ZNF182: variants seen among roughly 807,000 people sequenced by gnomAD.
ZNF182 encodes zinc finger protein 21 (KOX 14).
A neutral mutation model predicts 28.1 loss-of-function variants in ZNF182; 10 were observed. That is an observed-to-expected ratio of 0.36 (90% CI 0.22 to 0.60). The LOEUF (loss-of-function observed/expected upper bound fraction) is 0.60. Ranked by LOEUF, ZNF182 falls within the 20% of genes least tolerant of loss-of-function variation. The probability of loss-of-function intolerance (pLI) is 0.75; values close to 1 mark genes in which losing one functional copy is unlikely to be tolerated. For missense variants in ZNF182, 352 were observed against 453.2 expected (o/e 0.78, Z 2.03); for synonymous variants, 156 against 158.7 (o/e 0.98, Z 0.13).
At chrX:47,978,303 A>G (rs1049288902) in intron 5 of ZNF182, among the ~76,000 whole-genome samples, 4 of 110,779 alleles carry the variant, frequency 3.6e-5, no homozygotes, top group African/African-American at 1.3e-4. Context: ...TCCTGGTCTC[A>G]AGCAATCCTC....
At chrX:48,000,174 C>CA (rs1289302114) in intron 3 of ZNF182, among the ~76,000 whole-genome samples, 1 of 108,996 alleles carries the variant, frequency 9.2e-6, no homozygotes, top group East Asian at 2.9e-4. Context: ...AATAATAAAG[C>CA]AAAAAAAAAT....
intron 3 of ZNF182, among the ~76,000 whole-genome samples, chrX:47,990,013 G>A (rs2058936085): frequency 9.0e-6 from 1 of 110,818 alleles, no homozygotes; most frequent in Admixed American, 9.7e-5. Flanking sequence ...TGCCATTCCT[G>A]CTGATTATTG....
intron 3 of ZNF182, among the ~76,000 whole-genome samples, chrX:47,991,441 G>A (rs929580692): frequency 3.6e-5 from 4 of 112,092 alleles, no homozygotes; most frequent in Admixed American, 9.4e-5. Flanking sequence ...ATAATCTTCC[G>A]CAACTGTTAA....
intron 3 of ZNF182, among the ~76,000 whole-genome samples, chrX:47,994,223 C>T (rs2058950755): frequency 8.9e-6 from 1 of 111,941 alleles, no homozygotes; most frequent in Admixed American, 9.4e-5. Context: ...TCAACAAAAA[C>T]CATGGAGGCT....
At chrX:47,989,372 A>G (rs1303441453) in intron 3 of ZNF182, among the ~76,000 whole-genome samples, 1 of 108,515 alleles carries the variant, frequency 9.2e-6, no homozygotes, top group Non-Finnish European at 1.9e-5. Flanking sequence ...GGTTGCAGTG[A>G]GCTGAGATGG....
intron 3 of ZNF182, among the ~76,000 whole-genome samples, chrX:47,995,485 AAT>A (rs1384636042): frequency 1.8e-5 from 2 of 112,224 alleles, no homozygotes; most frequent in African/African-American, 6.5e-5. Flanking sequence ...TAATCCCAAA[AAT>A]AGAAAAAACA....
At position 47,976,878 on chromosome X, in the gene ZNF182, T is replaced by C. The variant is rs782101548; in HGVS notation, c.1152A>G (p.Lys384=). 2 of 1,208,676 alleles carry C rather than the reference T, an allele frequency of 1.7e-6. No individual in the cohort carries two copies. Among genetic ancestry groups the C allele is most frequent in the Non-Finnish European group, 2.2e-6 (2 of 894,405 alleles). The part of the protein sequence containing the change: ...QRTHTGEKPH[K]CTECGKSFNE... ...TGAAAGACTTCCCACATTCAGTACA[T>C]TTATGAGGTTTCTCTCCCGTATGAG... Residue 384 remains lysine (K), a synonymous_variant, in exon 6 of 6, where the codon AAA becomes AAG. Coordinates refer to ENST00000376943, the MANE Select transcript of ZNF182 (RefSeq NM_001007088.2).
chrX:47,998,411 C>T (rs2058966658), intron 3 of ZNF182, among the ~76,000 whole-genome samples: 1 of 112,052 alleles, frequency 8.9e-6, no homozygotes. Flanking sequence ...TAATAGATAA[C>T]AGGAAAATCC....
At position 48,003,655 on chromosome X, in the gene ZNF182, A is replaced by G. The variant is rs920267633; in HGVS notation, c.-192T>C. The G allele has an allele frequency of 2.7e-5, 3 of 112,420 alleles. No homozygotes were observed. In the East Asian group the frequency reaches 8.5e-4, roughly 32 times the overall value. 9.3% of individuals were successfully genotyped at this position (112,420 alleles called of 1,213,427 possible). On this transcript the variant is annotated 5_prime_UTR_variant, in exon 2 of 6. Transcript: ENST00000376943. ...AGAGGGAGAAGCGGGGCGCGTCTAAAGAGGGGTCTGAGGGATGCGCATGAA... is the reference window on the plus strand; with the variant it reads ...AGAGGGAGAAGCGGGGCGCGTCTAAGGAGGGGTCTGAGGGATGCGCATGAA...
intron 3 of ZNF182, among the ~76,000 whole-genome samples, chrX:47,991,317 C>T (rs1192785420): frequency 8.9e-6 from 1 of 111,774 alleles, no homozygotes; most frequent in Non-Finnish European, 1.9e-5. Flanking sequence ...GCCAACCCTA[C>T]TGGTGCCTTG....
intron 5 of ZNF182, among the ~76,000 whole-genome samples, chrX:47,980,644 A>G (rs1293492616): frequency 1.8e-5 from 2 of 111,651 alleles, no homozygotes; most frequent in African/African-American, 3.3e-5. Flanking sequence ...GAATAAATAT[A>G]TATTCTTATA....
At position 47,983,580 on chromosome X, in the gene ZNF182, TA is replaced by T. The variant is rs782699792; in HGVS notation, c.16-170del. On this transcript the variant is annotated intron_variant, in intron 3 of 5. Transcript: ENST00000376943. ...TTGTGGGAGAATCACAAATCATGGTTAAAAAAAAACTAAGTAAGAGAATACT... is the reference window on the plus strand; with the variant it reads ...TTGTGGGAGAATCACAAATCATGGTTAAAAAAAACTAAGTAAGAGAATACT... 5.4e-5 allele frequency among the ~76,000 whole-genome samples: 6 copies of T among 110,158 alleles called. No individual in the cohort carries two copies. In the South Asian group the frequency reaches 1.1e-3, roughly 21 times the overall value.
chrX:47,977,293 G>T lies in ZNF182; in HGVS notation c.737C>A (p.Thr246Asn). ...THTGEKPFGC[T>N]ECGKAFSQKS... Reference sequence around the variant, plus strand: ...TTGGCTAAAAGCTTTTCCACATTCGGTACATCCAAAAGGTTTCTCTCCCGT... The same window carrying T: ...TTGGCTAAAAGCTTTTCCACATTCGTTACATCCAAAAGGTTTCTCTCCCGT... Residue 246 changes from threonine to asparagine, a missense_variant, in exon 6 of 6, where the codon ACC becomes AAC. Thr to Asn is a moderately conservative substitution (Grantham distance 65). Transcript: ENST00000376943. The T allele has an allele frequency of 8.3e-7, 1 of 1,210,678 alleles. No homozygotes were observed. Among genetic ancestry groups the T allele is most frequent in the Non-Finnish European group, 1.1e-6 (1 of 895,303 alleles).
At position 47,976,639 on chromosome X, in the gene ZNF182, T is replaced by C; in HGVS notation, c.1391A>G (p.Glu464Gly). The C allele has an allele frequency of 8.3e-7, 1 of 1,209,331 alleles. No homozygotes were observed. ...LMLHQRGHTG[E>G]KPYECNECEK... Reference sequence around the variant, plus strand: ...ACATTCATTGCACTCGTAAGGTTTCTCTCCTGTATGACCTCTCTGATGCAG... The same window carrying C: ...ACATTCATTGCACTCGTAAGGTTTCCCTCCTGTATGACCTCTCTGATGCAG... Residue 464 changes from glutamate (E) to glycine (G), a missense_variant, in exon 6 of 6, where the codon GAG becomes GGG. Glu to Gly is a moderately conservative substitution (Grantham distance 98). Coordinates refer to ENST00000376943, the MANE Select transcript of ZNF182 (RefSeq NM_001007088.2).
chrX:47,991,526 C>G (rs1055156565), intron 3 of ZNF182, among the ~76,000 whole-genome samples: 1 of 112,311 alleles, frequency 8.9e-6, no homozygotes, highest in African/African-American at 3.2e-5. Flanking sequence ...GTGAAAACCA[C>G]GAGGTGGCAA....
At chrX:47,999,172 G>A (rs1438957540) in intron 3 of ZNF182, among the ~76,000 whole-genome samples, 1 of 110,896 alleles carries the variant, frequency 9.0e-6, no homozygotes, top group Admixed American at 9.6e-5. Flanking sequence ...CTGAGGTCAG[G>A]AGTTCAAGAC....
intron 3 of ZNF182, among the ~76,000 whole-genome samples, chrX:47,985,987 C>G (rs782434452): frequency 8.0e-5 from 9 of 111,861 alleles, no homozygotes; most frequent in Admixed American, 7.6e-4. Flanking sequence ...TACTCCACAA[C>G]GGAGGTAAAG....
At position 47,975,435 on chromosome X, in the gene ZNF182, G is replaced by A. The variant is rs1399446494; in HGVS notation, c.*732C>T. 1 of 112,073 alleles carries A rather than the reference G, an allele frequency of 8.9e-6. No homozygotes were observed. Among genetic ancestry groups the A allele is most frequent in the Non-Finnish European group, 1.9e-5 (1 of 53,191 alleles). 9.2% of individuals were successfully genotyped at this position (112,073 alleles called of 1,213,427 possible). A position where few individuals can be genotyped will look rare whatever the true frequency, so the allele number is the denominator to read the frequency against. On this transcript the variant is annotated 3_prime_UTR_variant, in exon 6 of 6. Transcript: ENST00000376943. ...ACTTTTGAATAATTCCTCTTTGAAT[G>A]AGAAGAGTTTTTCCTGGACTTGCTA...
chrX:47,981,410 T>C (rs1315398896), intron 5 of ZNF182, among the ~76,000 whole-genome samples: 1 of 112,009 alleles, frequency 8.9e-6, no homozygotes, highest in Non-Finnish European at 1.9e-5. Context: ...AACATAGAAA[T>C]GTATACAGCC....
Sources: allele counts gnomAD v4.1 joint callset (sites outside exome capture counted in the v4.1 genomes callset), GRCh38; gene constraint gnomAD v4.1.1; transcripts MANE v1.5; gene names NCBI Gene and HGNC (gene_info 2026-07-23, HGNC 2026-07-21).